The following AXDND1 variants were observed in gnomAD, a reference collection of about 807,000 sequenced individuals.
AXDND1 encodes the protein axonemal dynein light chain domain-containing protein 1.
AXDND1 carries 110 observed loss-of-function variants against 137.5 expected under a neutral mutation model. The observed-to-expected ratio is 0.80, with a 90% CI of 0.69 to 0.94. AXDND1 has a LOEUF of 0.94. AXDND1 is among the 40% of genes least tolerant of loss of function. AXDND1 has a pLI of 0.00. For synonymous variants in AXDND1, 414 were observed against 399.7 expected, an observed-to-expected ratio of 1.04 and a Z score of -0.43; for missense variants, 1,191 against 1,169.8, an observed-to-expected ratio of 1.02 and a Z score of -0.26.
intron 16 of AXDND1, chr1:179,457,093 TC>T: frequency 7.6e-7 from 1 of 1,315,522 alleles, no homozygotes; most frequent in Non-Finnish European, 1.1e-6. Flanking sequence ...CCACAACTCT[TC>T]CATCCACCTT....
At chr1:179,499,613 C>T (rs1355316507) in intron 20 of AXDND1, among the ~76,000 whole-genome samples, 6 of 152,124 alleles carry the variant, frequency 3.9e-5, no homozygotes, top group Admixed American at 3.9e-4. Flanking sequence ...GAATTATACA[C>T]TTTAAATGGG....
chr1:179,454,063 G>A (rs969733940), intron 16 of AXDND1: 2 of 152,218 alleles, frequency 1.3e-5, no homozygotes, highest in Admixed American at 6.5e-5. Context: ...ACTTTGGGGG[G>A]ACTGTTGGGA....
At chr1:179,440,313 C>T (rs4584358) in intron 15 of AXDND1, among the ~76,000 whole-genome samples, 133,026 of 152,288 alleles carry the variant, frequency 0.87, 58,212 homozygotes, top group East Asian at 0.9. Flanking sequence ...ATATGAGCAA[C>T]TGATGACAGA....
intron 16 of AXDND1, among the ~76,000 whole-genome samples, chr1:179,458,718 T>G (rs1661774049): frequency 6.6e-6 from 1 of 151,328 alleles, no homozygotes; most frequent in Admixed American, 6.6e-5. Context: ...AGAAAAAGTC[T>G]AAATTAAATA....
rs1553291080 is a variant in AXDND1, at chr1:179,486,139, A to AACAAAAACAAAAAACT, written c.2091+2919_2091+2920insCAAAAACAAAAAACTA. Among the ~76,000 whole-genome samples, 22 of 87,804 alleles carry AACAAAAACAAAAAACT rather than the reference A, an allele frequency of 2.5e-4. 1 individual carries two copies. The highest frequency in any genetic ancestry group is 1.8e-3 in the East Asian group (3 of 1,706). The allele number at this position is 87,804 out of a possible 152,430, so 57.6% of individuals were successfully genotyped here. A position where few individuals can be genotyped will look rare whatever the true frequency, so the allele number is the denominator to read the frequency against. Reference sequence around the variant, plus strand: ...TGTCTCAAAAAAAAAAAAAAAAAAAAAACCTGATAGAAATGAAAAACACAC... The same window carrying AACAAAAACAAAAAACT: ...TGTCTCAAAAAAAAAAAAAAAAAAAAACAAAAACAAAAAACTAACCTGATAGAAATGAAAAACACAC... On this transcript the variant is annotated intron_variant, in intron 18 of 25. Coordinates refer to ENST00000367618, the MANE Select transcript of AXDND1 (RefSeq NM_144696.6).
At chr1:179,517,844 C>T (rs1404896898) in intron 21 of AXDND1, among the ~76,000 whole-genome samples, 1 of 152,216 alleles carries the variant, frequency 6.6e-6, no homozygotes, top group African/African-American at 2.4e-5. Flanking sequence ...TTCGGAGGGT[C>T]TTTGGGTCCT....
At chr1:179,541,487 T>TG (rs1023483167) in intron 25 of AXDND1, among the ~76,000 whole-genome samples, 5 of 151,900 alleles carry the variant, frequency 3.3e-5, no homozygotes, top group Non-Finnish European at 5.9e-5. Flanking sequence ...TTGTTTTTTT[T>TG]TTTTTTTTAA....
At chr1:179,434,346 A>G (rs560600231) in intron 15 of AXDND1, among the ~76,000 whole-genome samples, 42 of 152,284 alleles carry the variant, frequency 2.8e-4, no homozygotes, top group Non-Finnish European at 5.1e-4. Flanking sequence ...TCCTTAACTC[A>G]TTTATGAGGC....
rs771647989 is a variant in AXDND1, at chr1:179,525,342, A to G, written c.2505A>G (p.Val835=). 4.7e-5 allele frequency: 75 copies of G among 1,610,650 alleles called. No individual in the cohort carries two copies. The highest frequency in any genetic ancestry group is 6.1e-5 in the Non-Finnish European group (72 of 1,178,214). The change falls in exon 22 of 26, where the codon GTA becomes GTG. Residue 835 remains valine (V), a synonymous_variant. Coordinates refer to ENST00000367618, the MANE Select transcript of AXDND1 (RefSeq NM_144696.6). ...ATTGGTTCATCTCACAGGAGGCTGTAAAAGAATTCATTGAGCCTGAAATAG... is the reference window on the plus strand; with the variant it reads ...ATTGGTTCATCTCACAGGAGGCTGTGAAAGAATTCATTGAGCCTGAAATAG... ...EIERLLEEEA[V]KEFIEPEIDE...
intron 12 of AXDND1, among the ~76,000 whole-genome samples, chr1:179,420,732 C>G (rs980944345): frequency 6.6e-6 from 1 of 151,392 alleles, no homozygotes; most frequent in East Asian, 1.9e-4. Flanking sequence ...AAGCAATTCT[C>G]GTGTCTCAGC....
intron 21 of AXDND1, among the ~76,000 whole-genome samples, chr1:179,509,988 A>G (rs952067357): frequency 6.6e-5 from 10 of 152,170 alleles, no homozygotes; most frequent in Admixed American, 5.2e-4. Context: ...GTGATTCCTT[A>G]TTGCCAAATC....
At chr1:179,385,395 T>C (rs941569808) in intron 9 of AXDND1, 36 bp downstream of exon 9, 1 of 1,611,356 alleles carries the variant, frequency 6.2e-7, no homozygotes, top group Non-Finnish European at 8.5e-7. Flanking sequence ...AGTTTCCTTT[T>C]GATTTTTATA....
rs772195441 is a variant in AXDND1, at chr1:179,487,441, G to A, written c.2092-4097G>A. On this transcript the variant is annotated intron_variant, in intron 18 of 25. Transcript: ENST00000367618. ...ATAAAACATATACAGAAAGCCAAAT[G>A]TATGAAATTAACAATATTTAAAAAT... Among the ~76,000 whole-genome samples the A allele has an allele frequency of 3.4e-5, 5 of 148,648 alleles. 1 individual carries two copies. The highest frequency in any genetic ancestry group is 1.9e-4 in the East Asian group (1 of 5,200).
rs112608021 is a variant in AXDND1, at chr1:179,415,264, C to T, written c.1230+3998C>T. 3.9e-3 allele frequency among the ~76,000 whole-genome samples: 594 copies of T among 152,172 alleles called. 6 individuals carry two copies. The highest frequency in any genetic ancestry group is 0.013 in the African/African-American group (552 of 41,512). ...GGCTGAGGCACGAGAATTGCTTGAACCCGGGAGGTGGAGGTTGCAGTGAGC... is the reference window on the plus strand; with the variant it reads ...GGCTGAGGCACGAGAATTGCTTGAATCCGGGAGGTGGAGGTTGCAGTGAGC... On this transcript the variant is annotated intron_variant, in intron 12 of 25. Coordinates refer to ENST00000367618, the MANE Select transcript of AXDND1 (RefSeq NM_144696.6).
intron 12 of AXDND1, among the ~76,000 whole-genome samples, chr1:179,421,331 T>C (rs1046552019): frequency 2.7e-5 from 4 of 146,782 alleles, no homozygotes; most frequent in Non-Finnish European, 4.4e-5. Flanking sequence ...GTTTCCTTCC[T>C]TCCTTTCTTC....
intron 25 of AXDND1, chr1:179,548,886 G>T (rs542134230): frequency 6.6e-5 from 10 of 152,292 alleles, no homozygotes; most frequent in Non-Finnish European, 8.8e-5. Context: ...CCAACAATCT[G>T]CAGTATACCA....
intron 21 of AXDND1, among the ~76,000 whole-genome samples, chr1:179,510,631 T>A (rs112112499): frequency 0.03 from 4,578 of 152,246 alleles, 217 homozygotes; most frequent in African/African-American, 0.1. Context: ...ACCGACATGA[T>A]CTTGGTGTAT....
intron 21 of AXDND1, among the ~76,000 whole-genome samples, chr1:179,518,604 A>G (rs1285752077): frequency 1.3e-5 from 2 of 152,114 alleles, no homozygotes; most frequent in East Asian, 3.9e-4. Flanking sequence ...ATGTGGTCTC[A>G]TCATTTAGGT....
intron 21 of AXDND1, among the ~76,000 whole-genome samples, chr1:179,516,149 CTTTTTCT>C (rs1304861082): frequency 6.6e-6 from 1 of 151,980 alleles, no homozygotes; most frequent in Admixed American, 6.6e-5. Context: ...TTCATATTTT[CTTTTTCT>C]TTTTTCTTTG....
Sources: allele counts gnomAD v4.1 joint callset (sites outside exome capture counted in the v4.1 genomes callset), GRCh38; gene constraint gnomAD v4.1.1; transcripts MANE v1.5; gene names NCBI Gene and HGNC (gene_info 2026-07-23, HGNC 2026-07-21).